Variants in ZNF131 observed in about 807,000 individuals in gnomAD.
ZNF131 encodes the protein zinc finger protein 131.
In ZNF131, 7 loss-of-function variants were observed where a neutral mutation model predicts 60.0. The ratio of observed to expected loss-of-function variants is 0.12; its 90% CI spans 0.07 to 0.22. The LOEUF is 0.22. Ranked by LOEUF, ZNF131 falls within the 10% of genes least tolerant of loss-of-function variation. The pLI, the probability that ZNF131 is intolerant of heterozygous loss-of-function variation, is 1.00. For synonymous variants in ZNF131, 257 were observed against 253.2 expected (o/e 1.01, Z -0.14); for missense variants, 493 against 740.9 (o/e 0.67, Z 3.88).
At chr5:43,151,623 T>G (rs763595875) in intron 4 of ZNF131, among the ~76,000 whole-genome samples, 16 of 152,020 alleles carry the variant, frequency 1.1e-4, no homozygotes, top group Non-Finnish European at 2.1e-4. Flanking sequence ...TTGGCAGAAA[T>G]GAGGTTTCTC....
At chr5:43,125,308 C>G (rs1004522226) in intron 3 of ZNF131, among the ~76,000 whole-genome samples, 1 of 149,654 alleles carries the variant, frequency 6.7e-6, no homozygotes, top group Non-Finnish European at 1.5e-5. Context: ...TTTTTTTTTT[C>G]TTTTTTTTGG....
chr5:43,161,371 C>T lies in ZNF131; in HGVS notation c.494C>T (p.Pro165Leu). The change falls in exon 5 of 7, where the codon CCT becomes CTT. Residue 165 changes from proline (P) to leucine (L), a missense_variant. Physicochemically the swap from Pro to Leu is moderately conservative, Grantham distance 98. Coordinates refer to ENST00000682664, the MANE Select transcript of ZNF131 (RefSeq NM_001330707.2). ...TCATTGCCATCTGCAGAATCAGAAC[C>T]TGTTGAAATTGAGGTAGAGATTGCC... ...TESLPSAESEPVEIEVEIAEG... is the reference protein window; with the variant it reads ...TESLPSAESELVEIEVEIAEG... 5.0e-6 allele frequency: 8 copies of T among 1,614,210 alleles called. No homozygotes were observed. Among genetic ancestry groups the T allele is most frequent in the Non-Finnish European group, 6.8e-6 (8 of 1,180,042 alleles).
intron 5 of ZNF131, among the ~76,000 whole-genome samples, chr5:43,165,539 T>G (rs1750240756): frequency 6.6e-6 from 1 of 152,212 alleles, no homozygotes; most frequent in Admixed American, 6.5e-5. Context: ...AGCAGTAGTA[T>G]TTTGAAAGGA....
In ZNF131 at chr5:43,123,551, T is replaced by C. The variant is rs546037668; in HGVS notation, c.226+241T>C. The stretch of plus-strand genomic sequence containing the variant: ...GGTTGAATGATCTGCCAGGAAAAAC[T>C]TAGATGGTAGATGTTGGTCTTTTCC... On this transcript the variant is annotated intron_variant, in intron 3 of 6. Coordinates refer to ENST00000682664, the MANE Select transcript of ZNF131 (RefSeq NM_001330707.2). The C allele has an allele frequency of 2.0e-4, 66 of 334,366 alleles. 1 individual carries two copies. The highest frequency in any genetic ancestry group is 6.1e-4 in the Admixed American group (13 of 21,226). The allele number at this position is 334,366 out of a possible 1,614,324, so 20.7% of individuals were successfully genotyped here.
intron 3 of ZNF131, among the ~76,000 whole-genome samples, chr5:43,134,693 C>T (rs370147017): frequency 4.9e-4 from 43 of 88,424 alleles, no homozygotes; most frequent in African/African-American, 1.2e-3. Context: ...TTCTTTTTTT[C>T]TTTTTTTTTT....
intron 3 of ZNF131, chr5:43,124,303 G>A (rs1744235232): frequency 6.6e-6 from 1 of 152,078 alleles, no homozygotes; most frequent in Admixed American, 6.5e-5. Flanking sequence ...GGAAATAAAT[G>A]TTTGCCTACG....
intron 3 of ZNF131, among the ~76,000 whole-genome samples, chr5:43,125,439 G>A (rs926667955): frequency 2.0e-5 from 3 of 151,554 alleles, no homozygotes; most frequent in African/African-American, 4.8e-5. Flanking sequence ...GATTACAGGC[G>A]TGAGACCACG....
At chr5:43,122,247 T>A in intron 2 of ZNF131, 70 bp downstream of exon 2, 2 of 66,696 alleles carry the variant, frequency 3.0e-5, no homozygotes, top group Non-Finnish European at 6.8e-5. Flanking sequence ...GACACCCGCC[T>A]TTTTTTTTTT....
At chr5:43,125,121 A>G (rs1251476350) in intron 3 of ZNF131, 2 of 152,180 alleles carry the variant, frequency 1.3e-5, no homozygotes, top group African/African-American at 4.8e-5. Context: ...ATTAATGAAT[A>G]AGATGTCCCT....
chr5:43,167,195 G>C lies in ZNF131; in HGVS notation c.1054+5264G>C, dbSNP rs78131339. ...TGAAGTAGTAACATCAAAGATCACT[G>C]ATCACAGATCATTATAAGACATAAT... On this transcript the variant is annotated intron_variant, in intron 5 of 6. Coordinates refer to ENST00000682664, the MANE Select transcript of ZNF131 (RefSeq NM_001330707.2). 1.4e-4 allele frequency among the ~76,000 whole-genome samples: 21 copies of C among 152,268 alleles called. No individual in the cohort carries two copies. The East Asian group carries it at 3.9e-3, about 28-fold the overall frequency.
chr5:43,140,143 C>T (rs891710019), intron 4 of ZNF131, among the ~76,000 whole-genome samples: 3 of 152,070 alleles, frequency 2.0e-5, no homozygotes, highest in Non-Finnish European at 4.4e-5. Flanking sequence ...TCACCTGAGC[C>T]TGGCAAGGTT....
Position 43,175,382 on chromosome 5 carries a change from ATTC to A in ZNF131, c.*252_*254del, listed in dbSNP as rs1751465221. ...ATTTCTGGAAACTTAAATGGATTATATTCTTATTATATAGTTGGGTACGAATGT... is the reference window on the plus strand; with the variant it reads ...ATTTCTGGAAACTTAAATGGATTATATTATTATATAGTTGGGTACGAATGT... On this transcript the variant is annotated 3_prime_UTR_variant, in exon 7 of 7. Transcript: ENST00000682664. 4.4e-6 allele frequency: 3 copies of A among 684,594 alleles called. No homozygotes were observed. The highest frequency in any genetic ancestry group is 2.6e-6 in the Non-Finnish European group (1 of 382,094). The allele number at this position is 684,594 out of a possible 1,614,324, so 42.4% of individuals were successfully genotyped here. A position where few individuals can be genotyped will look rare whatever the true frequency, so the allele number is the denominator to read the frequency against.
At chr5:43,137,703 A>G (rs1378829385) in intron 3 of ZNF131, among the ~76,000 whole-genome samples, 3 of 152,228 alleles carry the variant, frequency 2.0e-5, no homozygotes, top group African/African-American at 7.2e-5. Context: ...TTAAAATACC[A>G]TACAATTCAG....
chr5:43,174,420 T>G, intron 6 of ZNF131, 27 bp from the exon 7 acceptor site: 1 of 1,505,578 alleles, frequency 6.6e-7, no homozygotes, highest in Non-Finnish European at 8.9e-7. Context: ...ATAAGTATTG[T>G]CTACATCATA....
At chr5:43,131,128 G>A (rs1344962422) in intron 3 of ZNF131, among the ~76,000 whole-genome samples, 5 of 152,048 alleles carry the variant, frequency 3.3e-5, no homozygotes, top group Admixed American at 3.3e-4. Flanking sequence ...GCCTCCCAGA[G>A]TGCTGGGATT....
chr5:43,164,233 A>G (rs1750090801), intron 5 of ZNF131, among the ~76,000 whole-genome samples: 1 of 152,224 alleles, frequency 6.6e-6, no homozygotes, highest in South Asian at 2.1e-4. Context: ...AAACCCATGT[A>G]TGTAGAAGAC....
chr5:43,123,349 A>G, intron 3 of ZNF131, 39 bp downstream of exon 3: 1 of 1,530,794 alleles, frequency 6.5e-7, no homozygotes, highest in Non-Finnish European at 8.9e-7. Flanking sequence ...AATAAATCAA[A>G]GAAGCCATTT....
At position 43,158,945 on chromosome 5, in the gene ZNF131, A is replaced by G. The variant is rs192089192; in HGVS notation, c.372-2304A>G. On this transcript the variant is annotated intron_variant, in intron 4 of 6. Coordinates refer to ENST00000682664, the MANE Select transcript of ZNF131 (RefSeq NM_001330707.2). ...GCAAGCCTACAAGTTTTCCTGCCAC[A>G]GTGTCATGGATGCTGGAAGAAGATA... 4.2e-3 allele frequency among the ~76,000 whole-genome samples: 634 copies of G among 152,052 alleles called. 4 individuals are homozygous for G. The highest frequency in any genetic ancestry group is 0.02 in the Middle Eastern group (6 of 294).
At chr5:43,142,092 A>C (rs1333090664) in intron 4 of ZNF131, among the ~76,000 whole-genome samples, 1 of 151,832 alleles carries the variant, frequency 6.6e-6, no homozygotes, top group Non-Finnish European at 1.5e-5. Context: ...CTGTAATCCC[A>C]GCACTTTGGA....
Sources: allele counts gnomAD v4.1 joint callset (sites outside exome capture counted in the v4.1 genomes callset), GRCh38; gene constraint gnomAD v4.1.1; transcripts MANE v1.5; gene names NCBI Gene and HGNC (gene_info 2026-07-23, HGNC 2026-07-21).